DHX32: variants seen among roughly 807,000 people sequenced by gnomAD.
DHX32 encodes putative pre-mRNA-splicing factor ATP-dependent RNA helicase DHX32.
Under a neutral mutation model 70.0 loss-of-function variants are expected in DHX32, and 51 were observed. The observed-to-expected ratio is 0.73, with a 90% confidence interval of 0.58 to 0.92. The LOEUF is 0.92. DHX32 is among the 40% of genes least tolerant of loss of function. The pLI is 0.00. For synonymous variants in DHX32, 310 were observed against 315.3 expected (o/e 0.98, Z 0.18); for missense variants, 762 against 891.8 (o/e 0.85, Z 1.85).
intron 1 of DHX32, among the ~76,000 whole-genome samples, chr10:125,867,405 T>A (rs760698698): frequency 5.3e-5 from 8 of 152,152 alleles, no homozygotes; most frequent in Admixed American, 2.0e-4. Flanking sequence ...TAACAGGGAC[T>A]GTGAAAGTTT....
chr10:125,855,615 AT>A (rs946792765), intron 3 of DHX32, among the ~76,000 whole-genome samples: 16 of 151,278 alleles, frequency 1.1e-4, no homozygotes, highest in Non-Finnish European at 1.8e-4. Context: ...TGGCCGGCTA[AT>A]TTTTTTTGTA....
chr10:125,859,041 GT>G (rs1168999968), intron 3 of DHX32, among the ~76,000 whole-genome samples: 1 of 134,208 alleles, frequency 7.5e-6, no homozygotes, highest in East Asian at 2.1e-4. Context: ...TTGTTTGTTT[GT>G]TTGTTTTTTT....
upstream of DHX32, among the ~76,000 whole-genome samples, chr10:125,882,542 G>A (rs1480959918): frequency 1.3e-5 from 2 of 152,202 alleles, no homozygotes; most frequent in East Asian, 1.9e-4. Context: ...ATGGCAGCAA[G>A]AGCAGGATAG....
At chr10:125,882,344 G>A (rs946365623), upstream of DHX32, among the ~76,000 whole-genome samples, 2 of 152,198 alleles carry the variant, frequency 1.3e-5, no homozygotes, top group African/African-American at 4.8e-5. Context: ...TGCTTTAGAT[G>A]GTTGGAGCCA....
At chr10:125,874,655 A>C (rs1944274192) in intron 1 of DHX32, among the ~76,000 whole-genome samples, 1 of 152,200 alleles carries the variant, frequency 6.6e-6, no homozygotes, top group African/African-American at 2.4e-5. Context: ...AATAACACGA[A>C]GCCCTGTTTC....
At chr10:125,847,858 G>C (rs1372001821) in intron 6 of DHX32, among the ~76,000 whole-genome samples, 3 of 152,002 alleles carry the variant, frequency 2.0e-5, no homozygotes, top group East Asian at 3.9e-4. Context: ...TCATAATAGG[G>C]TTCGAGCTCC....
At chr10:125,880,196 A>G (rs1944308738) in intron 1 of DHX32, among the ~76,000 whole-genome samples, 1 of 152,154 alleles carries the variant, frequency 6.6e-6, no homozygotes, top group South Asian at 2.1e-4. Flanking sequence ...TAATCCCCAT[A>G]CCCATGCTGA....
At chr10:125,841,318 A>C in intron 7 of DHX32, 1 of 1,614,182 alleles carries the variant, frequency 6.2e-7, no homozygotes, top group Non-Finnish European at 8.5e-7. Flanking sequence ...ACCAGTTCCG[A>C]TACAGCACAA....
chr10:125,840,420 T>G (rs1284089606), intron 8 of DHX32, among the ~76,000 whole-genome samples: 8 of 152,264 alleles, frequency 5.3e-5, no homozygotes, highest in African/African-American at 7.2e-5. Flanking sequence ...CACTAGTATC[T>G]GGAGCTCTGC....
chr10:125,839,307 G>A (rs1197354308), intron 8 of DHX32, 119 bp from the exon 9 acceptor site: 14 of 984,162 alleles, frequency 1.4e-5, no homozygotes, highest in African/African-American at 3.3e-5. Flanking sequence ...AGGAGGCCAC[G>A]TAGGTGAGTG....
At chr10:125,847,431 A>G (rs1035453538) in intron 6 of DHX32, among the ~76,000 whole-genome samples, 3 of 152,208 alleles carry the variant, frequency 2.0e-5, no homozygotes, top group South Asian at 2.1e-4. Context: ...GAGTGCTTCC[A>G]GAGTGCCACT....
At chr10:125,877,951 A>C (rs1269136568) in intron 1 of DHX32, among the ~76,000 whole-genome samples, 1 of 152,186 alleles carries the variant, frequency 6.6e-6, no homozygotes, top group African/African-American at 2.4e-5. Context: ...GGGACTTCTT[A>C]TTATTCACAC....
rs1944312554 is a variant in DHX32, at chr10:125,880,788, A to G, written c.37T>C (p.Ser13Pro). Residue 13 changes from serine to proline, a missense_variant, in exon 1 of 11, where the codon TCT (serine) becomes CCT (proline). Transcript: ENST00000284690. The part of the protein sequence containing the change: ...EEGLECPNSS[S>P]EKRYFPESLD... ...GATTCAGGAAAATAGCGTTTTTCAG[A>G]GGAAGAGTTTGGACACTCCAGCCCT... 4.3e-6 allele frequency: 7 copies of G among 1,614,188 alleles called. No homozygotes were observed. Among genetic ancestry groups the G allele is most frequent in the Non-Finnish European group, 5.9e-6 (7 of 1,180,028 alleles).
intron 3 of DHX32, among the ~76,000 whole-genome samples, chr10:125,858,183 G>A (rs1226914244): frequency 6.6e-6 from 1 of 152,134 alleles, no homozygotes; most frequent in Non-Finnish European, 1.5e-5. Flanking sequence ...TTACAGGTGT[G>A]AGCCACAGTG....
At position 125,893,011 on chromosome 10, in the gene DHX32, G is replaced by GT. The variant is rs1309145586; in HGVS notation, c.-248+3206dup. 1.4e-4 allele frequency among the ~76,000 whole-genome samples: 22 copies of GT among 152,296 alleles called. 1 individual carries two copies. In the South Asian group the frequency reaches 3.7e-3, roughly 26 times the overall value. On this transcript the variant is annotated intron_variant, in intron 1 of 2. Coordinates refer to the DHX32 transcript ENST00000415732. ...GTGCTAAAAGCAACACAGAAGAAGC[G>GT]TAAGTCATGCACTTAGCTCCAAACA...
intron 1 of DHX32, chr10:125,869,715 A>C (rs1944244811): frequency 6.6e-6 from 1 of 152,202 alleles, no homozygotes; most frequent in South Asian, 2.1e-4. Flanking sequence ...CCCTGTGCCC[A>C]GCCAAAACCC....
rs1854703034 is a variant in DHX32 at position 125,836,810 on chromosome 10, A to G, written c.2109T>C (p.Pro703=). Residue 703 remains proline (P), a synonymous_variant, in exon 11 of 11, where the codon CCT becomes CCC. Transcript: ENST00000284690. ...VPQYYFSNLP[P]SESKDILQQV... ...GCTGTAGAATGTCCTTACTTTCACTAGGAGGCAGATTACTGAAATAGTATT... is the reference window on the plus strand; with the variant it reads ...GCTGTAGAATGTCCTTACTTTCACTGGGAGGCAGATTACTGAAATAGTATT... The G allele has an allele frequency of 6.2e-7, 1 of 1,614,166 alleles. No individual in the cohort carries two copies. The highest frequency in any genetic ancestry group is 1.6e-4 in the Middle Eastern group (1 of 6,062).
intron 2 of DHX32, among the ~76,000 whole-genome samples, chr10:125,860,786 C>T (rs1337413569): frequency 2.0e-4 from 25 of 126,496 alleles, no homozygotes; most frequent in Admixed American, 8.0e-4. Context: ...GATAGAGTCT[C>T]GCTCTGTCGC....
intron 1 of DHX32, among the ~76,000 whole-genome samples, chr10:125,870,112 T>A (rs1944247352): frequency 1.3e-5 from 2 of 152,172 alleles, no homozygotes; most frequent in South Asian, 2.1e-4. Context: ...AAGAGCAGCA[T>A]AAAGTTCTTT....
Sources: gnomAD v4.1 joint callset for allele counts (sites outside exome capture counted in the v4.1 genomes callset) on GRCh38, gnomAD v4.1.1 for gene constraint, MANE v1.5 for transcripts, NCBI Gene and HGNC (gene_info 2026-07-23, HGNC 2026-07-21) for gene names.